LRCH2: variants seen among roughly 807,000 people sequenced by gnomAD.
The protein encoded by LRCH2 is leucine rich repeats and calponin homology domain containing 2.
In LRCH2, 38 loss-of-function variants were observed where a neutral mutation model predicts 68.9. The ratio of observed to expected loss-of-function variants is 0.55; its 90% confidence interval spans 0.43 to 0.72. LRCH2 has a LOEUF of 0.72. Among genes scored for constraint, LRCH2 ranks in the 30% least tolerant of loss-of-function variants. LRCH2 has a pLI of 0.00. For missense variants in LRCH2, 528 were observed against 572.9 expected (o/e 0.92, Z 0.80); for synonymous variants, 191 against 208.1 (o/e 0.92, Z 0.71).
chrX:115,226,552 A>G (rs1182917066), intron 1 of LRCH2, among the ~76,000 whole-genome samples: 1 of 111,408 alleles, frequency 9.0e-6, no homozygotes, highest in African/African-American at 3.3e-5. Context: ...AACTACTGAC[A>G]GGTCCAGTTA....
intron 14 of LRCH2, among the ~76,000 whole-genome samples, chrX:115,139,648 G>A (rs1438627500): frequency 9.0e-6 from 1 of 110,882 alleles, no homozygotes; most frequent in African/African-American, 3.3e-5. Flanking sequence ...GCTACCCACA[G>A]TAGCCAGCAG....
intron 20 of LRCH2, among the ~76,000 whole-genome samples, chrX:115,115,873 T>A (rs1016680180): frequency 1.3e-4 from 14 of 109,871 alleles, no homozygotes. Context: ...ATAATCTAAC[T>A]CAGAAATGAA....
chrX:115,145,015 TG>T (rs2072369764), intron 14 of LRCH2, among the ~76,000 whole-genome samples: 1 of 111,527 alleles, frequency 9.0e-6, no homozygotes, highest in South Asian at 3.7e-4. Flanking sequence ...GGAACAAAAC[TG>T]GAGGAATCAC....
At chrX:115,141,021 A>G (rs1182553539) in intron 14 of LRCH2, among the ~76,000 whole-genome samples, 1 of 108,931 alleles carries the variant, frequency 9.2e-6, no homozygotes, top group Non-Finnish European at 1.9e-5. Context: ...TCACGAGGTC[A>G]GGAGATCGAG....
chrX:115,189,429 T>G (rs2147417005), intron 1 of LRCH2: 2 of 1,158,745 alleles, frequency 1.7e-6, no homozygotes, highest in East Asian at 6.5e-5. Flanking sequence ...GACCCACCAT[T>G]CGGCAGGGAG....
At chrX:115,188,046 G>T (rs949019910) in intron 2 of LRCH2, among the ~76,000 whole-genome samples, 180 bp downstream of exon 2, 2 of 112,186 alleles carry the variant, frequency 1.8e-5, no homozygotes, top group Non-Finnish European at 3.8e-5. Flanking sequence ...AGTTTGCTAA[G>T]CTCTGCTCTC....
chrX:115,196,360 A>C (rs2072887281), intron 1 of LRCH2, among the ~76,000 whole-genome samples: 1 of 110,709 alleles, frequency 9.0e-6, no homozygotes, highest in African/African-American at 3.3e-5. Context: ...GTCACCTCTC[A>C]CCCAAGCATT....
chrX:115,126,736 A>C, intron 16 of LRCH2, 107 bp downstream of exon 16: 1 of 541,936 alleles, frequency 1.8e-6, no homozygotes, highest in Non-Finnish European at 2.8e-6. Context: ...AATAAATTAT[A>C]TTGCAAAAAA....
intron 1 of LRCH2, among the ~76,000 whole-genome samples, chrX:115,228,900 T>C (rs1239069967): frequency 1.8e-5 from 2 of 111,250 alleles, no homozygotes; most frequent in Admixed American, 9.6e-5. Flanking sequence ...TATTAAAATA[T>C]ATTATTTTGA....
At chrX:115,159,469 A>AGTT (rs2072499800) in intron 11 of LRCH2, among the ~76,000 whole-genome samples, 1 of 110,914 alleles carries the variant, frequency 9.0e-6, no homozygotes, top group Non-Finnish European at 1.9e-5. Flanking sequence ...AAAAAAATTC[A>AGTT]GGCCCGGCGC....
intron 1 of LRCH2, among the ~76,000 whole-genome samples, chrX:115,206,743 G>A (rs1603093091): frequency 9.0e-6 from 1 of 110,961 alleles, no homozygotes; most frequent in Non-Finnish European, 1.9e-5. Context: ...CTGTGTGTGT[G>A]TCTTTAATTC....
At chrX:115,206,250 A>G (rs1556568016) in intron 1 of LRCH2, among the ~76,000 whole-genome samples, 1 of 112,590 alleles carries the variant, frequency 8.9e-6, no homozygotes, top group African/African-American at 3.2e-5. Context: ...AATTATAATT[A>G]TTATTCTAAT....
rs782503690 is a variant in LRCH2, at chrX:115,189,965, G to T, written c.350-1595C>A. On this transcript the variant is annotated intron_variant, in intron 1 of 20. Coordinates refer to ENST00000317135, the MANE Select transcript of LRCH2 (RefSeq NM_020871.4). ...CCGTCGAGCCTGGCTCACAGCGTTG[G>T]CTGTGGAATGCGCGGGAAGGCACCG... 1.3e-5 allele frequency: 15 copies of T among 1,162,357 alleles called. No individual in the cohort carries two copies. In the African/African-American group the frequency reaches 2.3e-4, roughly 18 times the overall value.
Position 115,149,947 on chromosome X carries a change from T to A in LRCH2, c.1579-4A>T. 1 of 1,170,530 alleles carries A rather than the reference T, an allele frequency of 8.5e-7. No individual in the cohort carries two copies. Among genetic ancestry groups the A allele is most frequent in the East Asian group, 3.0e-5 (1 of 33,539 alleles). On this transcript the variant is annotated splice_region_variant and splice_polypyrimidine_tract_variant and intron_variant, in intron 13 of 20. Coordinates refer to ENST00000317135, the MANE Select transcript of LRCH2 (RefSeq NM_020871.4). ...GATCCTTCTGATTTTCTAAGGGCTA[T>A]AATGAGACAATTTATTTTAACTAAA...
intron 1 of LRCH2, among the ~76,000 whole-genome samples, chrX:115,201,629 ATTGTTAT>A (rs1204176339): frequency 8.9e-6 from 1 of 111,915 alleles, no homozygotes; most frequent in Non-Finnish European, 1.9e-5. Flanking sequence ...CACTTTCACC[ATTGTTAT>A]TGAATATAGT....
intron 1 of LRCH2, among the ~76,000 whole-genome samples, chrX:115,205,577 A>G (rs975409896): frequency 8.9e-6 from 1 of 112,180 alleles, no homozygotes. Context: ...GGAGAAAAGG[A>G]GTATGGGGTA....
At chrX:115,227,728 T>C (rs1012275334) in intron 1 of LRCH2, among the ~76,000 whole-genome samples, 50 of 107,142 alleles carry the variant, frequency 4.7e-4, no homozygotes, top group African/African-American at 1.5e-3. Flanking sequence ...AAAAAGCCAT[T>C]TCTGAGTGAA....
At chrX:115,172,972 C>T (rs1328346795) in intron 5 of LRCH2, among the ~76,000 whole-genome samples, 1 of 110,088 alleles carries the variant, frequency 9.1e-6, no homozygotes, top group Non-Finnish European at 1.9e-5. Context: ...CTTTTTCTAC[C>T]TCACATTTGA....
At position 115,154,977 on chromosome X, in the gene LRCH2, A is replaced by G. The variant is rs141407205; in HGVS notation, c.1529+1625T>C. ...GGAGTTCGAGACCAGCCTGGCCAACATGGTGAAATCTCATCTCCGCGCCAC... is the reference window on the plus strand; with the variant it reads ...GGAGTTCGAGACCAGCCTGGCCAACGTGGTGAAATCTCATCTCCGCGCCAC... On this transcript the variant is annotated intron_variant, in intron 12 of 20. Coordinates refer to ENST00000317135, the MANE Select transcript of LRCH2 (RefSeq NM_020871.4). Among the ~76,000 whole-genome samples, 890 of 102,093 alleles carry G rather than the reference A, an allele frequency of 8.7e-3. 13 individuals are homozygous for G. The highest frequency in any genetic ancestry group is 0.03 in the African/African-American group (844 of 27,764). 88.7% of individuals were successfully genotyped at this position (102,093 alleles called of 115,157 possible).
Sources: allele counts gnomAD v4.1 joint callset (sites outside exome capture counted in the v4.1 genomes callset), GRCh38; gene constraint gnomAD v4.1.1; transcripts MANE v1.5; gene names NCBI Gene and HGNC (gene_info 2026-07-23, HGNC 2026-07-21).